Variants in LYPD6B observed in about 807,000 individuals in gnomAD.
LYPD6B encodes LY6/PLAUR domain containing 6B.
In LYPD6B, 17 loss-of-function variants were observed where a neutral mutation model predicts 22.8. The observed-to-expected ratio is 0.75, with a 90% confidence interval of 0.51 to 1.12. LYPD6B has a LOEUF of 1.12. LYPD6B is among the 50% of genes most tolerant of loss of function. LYPD6B has a pLI of 0.00. For missense variants in LYPD6B, 221 were observed against 258.3 expected, an observed-to-expected ratio of 0.86 and a Z score of 0.99; for synonymous variants, 106 against 91.6, an observed-to-expected ratio of 1.16 and a Z score of -0.90.
intron 1 of LYPD6B, among the ~76,000 whole-genome samples, chr2:149,080,711 G>A (rs764456028): frequency 6.6e-6 from 1 of 151,856 alleles, no homozygotes; most frequent in Non-Finnish European, 1.5e-5. Context: ...GTGTGGTGGC[G>A]TGCACCTGTA....
At chr2:149,197,442 G>T (rs960861965) in intron 3 of LYPD6B, among the ~76,000 whole-genome samples, 8 of 152,334 alleles carry the variant, frequency 5.3e-5, no homozygotes, top group South Asian at 4.1e-4. Context: ...AACCTGGGAG[G>T]TGGAGGTTGC....
intron 1 of LYPD6B, among the ~76,000 whole-genome samples, chr2:149,071,400 A>C (rs17347516): frequency 0.16 from 23,906 of 152,208 alleles, 2,157 homozygotes; most frequent in Middle Eastern, 0.38. Flanking sequence ...TAGAGGTTCC[A>C]AGGGCTTTCA....
chr2:149,142,649 T>C (rs1386266191), intron 2 of LYPD6B, among the ~76,000 whole-genome samples: 1 of 152,112 alleles, frequency 6.6e-6, no homozygotes, highest in African/African-American at 2.4e-5. Context: ...GACAACTTTT[T>C]CTTATCTCCT....
At chr2:149,058,773 C>T (rs946846157) in intron 1 of LYPD6B, among the ~76,000 whole-genome samples, 6 of 152,182 alleles carry the variant, frequency 3.9e-5, no homozygotes, top group South Asian at 2.1e-4. Context: ...GCGTCTGCCA[C>T]GACGCCCAGC....
intron 3 of LYPD6B, among the ~76,000 whole-genome samples, chr2:149,180,083 A>G (rs1691600145): frequency 6.6e-6 from 1 of 152,368 alleles, no homozygotes; most frequent in Non-Finnish European, 1.5e-5. Flanking sequence ...AGATTTAATC[A>G]GTATTTGCTG....
At position 149,197,441 on chromosome 2, in the gene LYPD6B, G is replaced by C. The variant is rs2106099453; in HGVS notation, c.78-7812G>C. ...GCAGGAGAATCGCTTGAACCTGGGAGGTGGAGGTTGCAGTGAGCCGAGATC... is the reference window on the plus strand; with the variant it reads ...GCAGGAGAATCGCTTGAACCTGGGACGTGGAGGTTGCAGTGAGCCGAGATC... On this transcript the variant is annotated intron_variant, in intron 3 of 6. Transcript: ENST00000409642. Among the ~76,000 whole-genome samples the C allele has an allele frequency of 1.3e-5, 2 of 152,330 alleles. 1 individual carries two copies. The highest frequency in any genetic ancestry group is 6.8e-3 in the Middle Eastern group (2 of 294).
chr2:149,115,458 T>C (rs1686957922), intron 1 of LYPD6B, among the ~76,000 whole-genome samples: 1 of 152,190 alleles, frequency 6.6e-6, no homozygotes, highest in South Asian at 2.1e-4. Context: ...TGGTTTATCT[T>C]AATGGGAAGA....
chr2:149,110,848 T>C (rs529576136), intron 1 of LYPD6B, among the ~76,000 whole-genome samples: 1 of 152,226 alleles, frequency 6.6e-6, no homozygotes, highest in African/African-American at 2.4e-5. Context: ...ATATGTACTT[T>C]GAAGAAAAAT....
intron 1 of LYPD6B, among the ~76,000 whole-genome samples, chr2:149,100,866 T>C (rs1384762286): frequency 6.6e-5 from 10 of 152,178 alleles, no homozygotes; most frequent in Admixed American, 6.5e-4. Context: ...GCAAAACAAA[T>C]TTTTAAAAAT....
intron 1 of LYPD6B, among the ~76,000 whole-genome samples, chr2:149,067,138 T>C (rs1375396990): frequency 6.6e-6 from 1 of 152,174 alleles, no homozygotes; most frequent in Non-Finnish European, 1.5e-5. Context: ...GAGGACATGA[T>C]TTCCTTATTT....
intron 3 of LYPD6B, among the ~76,000 whole-genome samples, chr2:149,178,203 A>G (rs1472152640): frequency 5.3e-5 from 8 of 152,244 alleles, no homozygotes; most frequent in Admixed American, 5.2e-4. Flanking sequence ...ACTCAGGCTG[A>G]GAAGCAATTA....
At position 149,141,792 on chromosome 2, in the gene LYPD6B, T is replaced by C. The variant is rs574760378; in HGVS notation, c.5+10839T>C. ...TTTATTGTCTCATAGTCCTGGAGGT[T>C]AGAAGTCTGAAATCAAGGTGTCAGC... On this transcript the variant is annotated intron_variant, in intron 2 of 6. Coordinates refer to ENST00000409642, the MANE Select transcript of LYPD6B (RefSeq NM_177964.5). 3.3e-5 allele frequency among the ~76,000 whole-genome samples: 5 copies of C among 152,334 alleles called. No individual in the cohort carries two copies. The South Asian group carries it at 1.0e-3, about 32-fold the overall frequency.
chr2:149,103,258 T>C (rs1006040232), intron 1 of LYPD6B, among the ~76,000 whole-genome samples: 3 of 152,216 alleles, frequency 2.0e-5, no homozygotes, highest in Admixed American at 6.5e-5. Flanking sequence ...CGTTAACTTA[T>C]GTTTACATGA....
At chr2:149,148,899 T>C (rs1027747890) in intron 2 of LYPD6B, among the ~76,000 whole-genome samples, 2 of 152,174 alleles carry the variant, frequency 1.3e-5, no homozygotes, top group African/African-American at 4.8e-5. Context: ...TGCAGTCTTA[T>C]TGAGCAAACA....
chr2:149,214,301 G>T (rs144131876), intron 6 of LYPD6B, among the ~76,000 whole-genome samples: 1 of 152,002 alleles, frequency 6.6e-6, no homozygotes, highest in Non-Finnish European at 1.5e-5. Flanking sequence ...CCTTGCTAAT[G>T]CTTGGATTTG....
chr2:149,140,193 A>T (rs764004229), intron 2 of LYPD6B, among the ~76,000 whole-genome samples: 5 of 152,162 alleles, frequency 3.3e-5, no homozygotes, highest in Non-Finnish European at 5.9e-5. Context: ...CTGTGGTGGG[A>T]AAGGGCTGGG....
At chr2:149,121,089 G>A (rs1388387250) in intron 1 of LYPD6B, among the ~76,000 whole-genome samples, 2 of 152,090 alleles carry the variant, frequency 1.3e-5, no homozygotes, top group African/African-American at 2.4e-5. Flanking sequence ...ACCCCGCCTG[G>A]CAAAGTCTTA....
At position 149,213,117 on chromosome 2, in the gene LYPD6B, C is replaced by G. The variant is rs1241058343; in HGVS notation, c.454C>G (p.His152Asp). ...VGCHHSRDSE[H>D]TECRSCCEGM... The stretch of plus-strand genomic sequence containing the variant: ...TTGCCACCACAGCCGAGATTCTGAA[C>G]ATACGGTAAGGATCGTGTGTGTGTG... The change falls in exon 6 of 7, where the codon CAT becomes GAT. Residue 152 changes from histidine to aspartate, a missense_variant. Coordinates refer to ENST00000409642, the MANE Select transcript of LYPD6B (RefSeq NM_177964.5). The G allele has an allele frequency of 9.9e-6, 16 of 1,612,320 alleles. No homozygotes were observed. The highest frequency in any genetic ancestry group is 1.4e-5 in the Non-Finnish European group (16 of 1,179,214).
At chr2:149,047,501 T>C in intron 1 of LYPD6B, among the ~76,000 whole-genome samples, 1 of 152,174 alleles carries the variant, frequency 6.6e-6, no homozygotes, top group Non-Finnish European at 1.5e-5. Flanking sequence ...ATTTTTCTTT[T>C]GCTGCTTTCA....
Sources: gnomAD v4.1 joint callset for allele counts (sites outside exome capture counted in the v4.1 genomes callset) on GRCh38, gnomAD v4.1.1 for gene constraint, MANE v1.5 for transcripts, NCBI Gene and HGNC (gene_info 2026-07-23, HGNC 2026-07-21) for gene names.